COL8A1: variants seen among roughly 807,000 people sequenced by gnomAD.
COL8A1 encodes collagen type VIII alpha 1 chain.
COL8A1 carries 21 observed loss-of-function variants against 42.7 expected under a neutral mutation model. The observed-to-expected ratio is 0.49, with a 90% CI of 0.35 to 0.71. COL8A1 has a LOEUF of 0.71. Among genes scored for constraint, COL8A1 ranks in the 30% least tolerant of loss-of-function variants. The probability of loss-of-function intolerance (pLI) is 0.01; values close to 1 mark genes in which losing one functional copy is unlikely to be tolerated. For missense variants in COL8A1, 788 were observed against 962.4 expected, an observed-to-expected ratio of 0.82 and a Z score of 2.40; for synonymous variants, 367 against 369.1, an observed-to-expected ratio of 0.99 and a Z score of 0.06.
At chr3:99,706,782 A>G (rs1260107057) in intron 1 of COL8A1, among the ~76,000 whole-genome samples, 2 of 152,208 alleles carry the variant, frequency 1.3e-5, no homozygotes, top group African/African-American at 4.8e-5. Flanking sequence ...TTTAGTAACT[A>G]CTTAAGAAAG....
Position 99,788,268 on chromosome 3 carries a change from G to T in COL8A1, c.-3-2412G>T, listed in dbSNP as rs115845519. Reference sequence around the variant, plus strand: ...AGAAATGGCAGAAGGCAGACCTAAAGAGCTGGTTTACAGGACAGATATGCT... The same window carrying T: ...AGAAATGGCAGAAGGCAGACCTAAATAGCTGGTTTACAGGACAGATATGCT... On this transcript the variant is annotated intron_variant, in intron 2 of 3. Transcript: ENST00000652472. Among the ~76,000 whole-genome samples the T allele has an allele frequency of 9.2e-3, 1,394 of 152,290 alleles. 12 individuals are homozygous for T. The highest frequency in any genetic ancestry group is 0.015 in the Non-Finnish European group (1,005 of 68,018).
At chr3:99,746,297 C>A (rs1359650048) in intron 2 of COL8A1, among the ~76,000 whole-genome samples, 1 of 151,946 alleles carries the variant, frequency 6.6e-6, no homozygotes, top group Non-Finnish European at 1.5e-5. Flanking sequence ...TAATGCAAAC[C>A]CAGGGAATAA....
chr3:99,746,723 A>G (rs1941034210), intron 2 of COL8A1, among the ~76,000 whole-genome samples: 1 of 152,228 alleles, frequency 6.6e-6, no homozygotes, highest in South Asian at 2.1e-4. Flanking sequence ...TCAATAAACT[A>G]TTTCATTCAA....
At chr3:99,700,291 A>T (rs1486975190) in intron 1 of COL8A1, among the ~76,000 whole-genome samples, 1 of 148,518 alleles carries the variant, frequency 6.7e-6, no homozygotes, top group Non-Finnish European at 1.5e-5. Flanking sequence ...TGCTTTTTTT[A>T]TTTTTTTAGA....
intron 1 of COL8A1, among the ~76,000 whole-genome samples, chr3:99,709,553 G>T (rs1237770565): frequency 6.6e-6 from 1 of 152,108 alleles, no homozygotes; most frequent in East Asian, 1.9e-4. Context: ...TTTTTTAAAA[G>T]AAATCCTGTG....
intron 1 of COL8A1, among the ~76,000 whole-genome samples, chr3:99,659,603 A>C (rs574946452): frequency 6.6e-6 from 1 of 152,354 alleles, no homozygotes; most frequent in South Asian, 2.1e-4. Context: ...TGGCTGGCTC[A>C]CAAAAGCATC....
In COL8A1 at chr3:99,643,652, T is replaced by C. The variant is rs558547597; in HGVS notation, c.-129+4988T>C. Among the ~76,000 whole-genome samples the C allele has an allele frequency of 2.6e-5, 4 of 152,348 alleles. No homozygotes were observed. The South Asian group carries it at 8.3e-4, about 32-fold the overall frequency. ...TAAGATTCTCCCTTGCTTTGGGAAA[T>C]CTAGAAGAGTTCATTTTAGCCTTAG... On this transcript the variant is annotated intron_variant, in intron 1 of 3. Coordinates refer to ENST00000652472, the MANE Select transcript of COL8A1 (RefSeq NM_020351.4).
rs138668521 is a variant in COL8A1, at chr3:99,798,082, G to A, written c.*1946G>A. On this transcript the variant is annotated 3_prime_UTR_variant, in exon 4 of 4. Transcript: ENST00000652472. ...GATGGAAAAATACACAAATAAATAC[G>A]GTATGAAAACACATGGAAATGTGTC... 5 of 152,060 alleles carry A rather than the reference G, an allele frequency of 3.3e-5. No homozygotes were observed. The East Asian group carries it at 5.8e-4, about 18-fold the overall frequency. 9.4% of individuals were successfully genotyped at this position (152,060 alleles called of 1,614,324 possible). A position where few individuals can be genotyped will look rare whatever the true frequency, so the allele number is the denominator to read the frequency against.
intron 1 of COL8A1, among the ~76,000 whole-genome samples, chr3:99,643,634 C>T (rs971405231): frequency 1.3e-5 from 2 of 152,188 alleles, no homozygotes; most frequent in African/African-American, 4.8e-5. Context: ...GTTTAAGATT[C>T]TCCCTTGCTT....
intron 1 of COL8A1, among the ~76,000 whole-genome samples, chr3:99,680,975 T>A (rs1938861545): frequency 1.3e-5 from 2 of 152,090 alleles, no homozygotes; most frequent in Non-Finnish European, 2.9e-5. Context: ...TTACACCTTA[T>A]ACAAAAATTA....
intron 1 of COL8A1, among the ~76,000 whole-genome samples, chr3:99,687,150 T>G (rs901443321): frequency 3.3e-5 from 5 of 152,186 alleles, no homozygotes; most frequent in African/African-American, 1.2e-4. Context: ...GGCCTGTAAC[T>G]GTCCATCTCT....
intron 2 of COL8A1, among the ~76,000 whole-genome samples, chr3:99,780,467 T>A (rs1007462627): frequency 2.0e-5 from 3 of 152,164 alleles, no homozygotes; most frequent in Non-Finnish European, 4.4e-5. Context: ...ACTCCCTTCA[T>A]TTTACAGTTT....
chr3:99,664,987 C>G (rs996727525), intron 1 of COL8A1, among the ~76,000 whole-genome samples: 1 of 152,220 alleles, frequency 6.6e-6, no homozygotes, highest in African/African-American at 2.4e-5. Flanking sequence ...GCTTCTTGCT[C>G]TCTCCTGGGA....
intron 1 of COL8A1, among the ~76,000 whole-genome samples, chr3:99,673,594 T>C (rs533662012): frequency 2.0e-5 from 3 of 152,226 alleles, no homozygotes; most frequent in South Asian, 4.1e-4. Context: ...AAGAACAATA[T>C]TTTGGGGAGG....
At chr3:99,662,446 T>C (rs1409568045) in intron 1 of COL8A1, among the ~76,000 whole-genome samples, 1 of 151,512 alleles carries the variant, frequency 6.6e-6, no homozygotes, top group Non-Finnish European at 1.5e-5. Flanking sequence ...AGAGAAAACA[T>C]GCAAGTCTTT....
intron 2 of COL8A1, among the ~76,000 whole-genome samples, chr3:99,769,095 A>G (rs1441071713): frequency 1.3e-5 from 2 of 152,214 alleles, no homozygotes; most frequent in African/African-American, 4.8e-5. Flanking sequence ...TAGCTCTGTC[A>G]ATATCAGGTA....
intron 2 of COL8A1, among the ~76,000 whole-genome samples, chr3:99,752,082 A>C (rs997168494): frequency 6.6e-6 from 1 of 152,136 alleles, no homozygotes; most frequent in Non-Finnish European, 1.5e-5. Flanking sequence ...TATACTCCTC[A>C]TCCCCTGCAA....
chr3:99,674,096 C>T (rs532464847), intron 1 of COL8A1, among the ~76,000 whole-genome samples: 2 of 152,018 alleles, frequency 1.3e-5, no homozygotes, highest in Non-Finnish European at 2.9e-5. Context: ...ATGCTATCAA[C>T]TTTTATGATC....
At chr3:99,651,865 G>C (rs1937858421) in intron 1 of COL8A1, among the ~76,000 whole-genome samples, 1 of 152,112 alleles carries the variant, frequency 6.6e-6, no homozygotes, top group South Asian at 2.1e-4. Context: ...AAGTTTACTT[G>C]GAATGACTGG....
Sources: allele counts gnomAD v4.1 joint callset (sites outside exome capture counted in the v4.1 genomes callset), GRCh38; gene constraint gnomAD v4.1.1; transcripts MANE v1.5; gene names NCBI Gene and HGNC (gene_info 2026-07-23, HGNC 2026-07-21).